The following CASP6 variants were observed in gnomAD, a reference collection of about 807,000 sequenced individuals.
CASP6 encodes caspase-6.
Under a neutral mutation model 31.8 loss-of-function variants are expected in CASP6, and 20 were observed. That is an observed-to-expected ratio of 0.63 (90% CI 0.44 to 0.91). The LOEUF is 0.91. Among genes scored for constraint, CASP6 ranks in the 40% least tolerant of loss-of-function variants. CASP6 has a pLI of 0.00. For synonymous variants in CASP6, 130 were observed against 127.8 expected (o/e 1.02, Z -0.12); for missense variants, 328 against 361.1 (o/e 0.91, Z 0.74).
the CASP6 span, chr4:109,682,711 A>G: frequency 3.1e-6 from 5 of 1,613,842 alleles, 1 homozygote; most frequent in African/African-American, 6.7e-5. Context: ...AAAATTGACC[A>G]CCTGAAGGAA....
At chr4:109,694,801 A>G in intron 4 of CASP6, 101 bp from the exon 5 acceptor site, 1 of 1,132,638 alleles carries the variant, frequency 8.8e-7, no homozygotes. Context: ...TTACATCCAC[A>G]TGATTGGGGA....
the CASP6 span, among the ~76,000 whole-genome samples, chr4:109,679,164 C>T: frequency 8.0e-5 from 12 of 149,262 alleles, no homozygotes; most frequent in Non-Finnish European, 1.2e-4. Flanking sequence ...ACTTCCCAGA[C>T]GGGGCAGCTG....
chr4:109,684,172 T>C (rs879292067), downstream of CASP6, among the ~76,000 whole-genome samples: 18 of 151,834 alleles, frequency 1.2e-4, no homozygotes, highest in East Asian at 1.9e-4. Flanking sequence ...ACGCCATTCT[T>C]CTGCCTCAGC....
In CASP6 at chr4:109,697,678, G is replaced by A. The variant is rs368502003; in HGVS notation, c.174C>T (p.His58=). The change falls in exon 3 of 7, where the codon CAC becomes CAT. Residue 58 remains histidine (H), a synonymous_variant. Transcript: ENST00000265164. ...TGCCCCGCCTTTCTGGCAGTGTTAA[G>A]TGCCAAAAGAACCTCTCATGATTGA... ...LIFNHERFFW[H]LTLPERRGTC... The A allele has an allele frequency of 1.1e-5, 17 of 1,613,860 alleles. No individual in the cohort carries two copies. The Admixed American group carries it at 2.0e-4, about 19-fold the overall frequency.
chr4:109,700,081 G>A (rs1425065944), intron 1 of CASP6, among the ~76,000 whole-genome samples: 1 of 152,282 alleles, frequency 6.6e-6, no homozygotes. Context: ...AGCCGAAGGC[G>A]GCTCACAACC....
At chr4:109,701,447 G>A (rs1191672280) in intron 1 of CASP6, among the ~76,000 whole-genome samples, 1 of 128,850 alleles carries the variant, frequency 7.8e-6, no homozygotes. Flanking sequence ...TTTTTTTTTT[G>A]AGACAGAGCC....
the CASP6 span, among the ~76,000 whole-genome samples, chr4:109,672,975 G>A: frequency 6.6e-6 from 1 of 152,076 alleles, no homozygotes; most frequent in Non-Finnish European, 1.5e-5. Flanking sequence ...AATTTTAATT[G>A]TATATTTGAA....
rs374800063 is a variant in CASP6 at position 109,698,312 on chromosome 4, G to A, written c.71C>T (p.Ala24Val). The change falls in exon 2 of 7, where the codon GCC becomes GTC. Residue 24 changes from alanine (A) to valine (V), a missense_variant. Transcript: ENST00000265164. ...GGEENMTETD[A>V]FYKREMFDPA... ...AGCACAGCTTTACCTTTTATAGAAG[G>A]CATCTGTTTCTGTCATGTTTTCTTC... The A allele has an allele frequency of 5.0e-6, 8 of 1,610,734 alleles. No homozygotes were observed. The highest frequency in any genetic ancestry group is 1.6e-4 in the Middle Eastern group (1 of 6,082).
chr4:109,678,984 G>A, the CASP6 span, among the ~76,000 whole-genome samples: 1 of 149,516 alleles, frequency 6.7e-6, no homozygotes, highest in African/African-American at 2.5e-5. Flanking sequence ...GGGGCAGCCA[G>A]GCAGAGACAG....
intron 4 of CASP6, among the ~76,000 whole-genome samples, chr4:109,695,977 T>G (rs1730226930): frequency 6.6e-6 from 1 of 152,160 alleles, no homozygotes; most frequent in Non-Finnish European, 1.5e-5. Flanking sequence ...TTGTTATAAT[T>G]AGAATACCTA....
At chr4:109,693,842 A>C (rs1730154219) in intron 5 of CASP6, among the ~76,000 whole-genome samples, 1 of 151,664 alleles carries the variant, frequency 6.6e-6, no homozygotes, top group Non-Finnish European at 1.5e-5. Flanking sequence ...AGGTTCAAGC[A>C]ATTCTCATGC....
At chr4:109,702,691 A>G (rs1579115091) in intron 1 of CASP6, 2 of 152,310 alleles carry the variant, frequency 1.3e-5, no homozygotes, top group Middle Eastern at 6.8e-3. Context: ...TACCAGTAAT[A>G]AGTGACAGAA....
chr4:109,707,543 T>C (rs928081352), upstream of CASP6, among the ~76,000 whole-genome samples: 2 of 152,066 alleles, frequency 1.3e-5, no homozygotes, highest in African/African-American at 4.8e-5. Context: ...TGCACTACCA[T>C]GCCTGGCTAA....
chr4:109,688,419 G>A (rs1022621335), downstream of CASP6: 2 of 152,142 alleles, frequency 1.3e-5, no homozygotes, highest in Non-Finnish European at 2.9e-5. Flanking sequence ...AACCTATAGT[G>A]GCTAAGAATT....
At chr4:109,686,244 T>G (rs1161469603), downstream of CASP6, among the ~76,000 whole-genome samples, 1 of 152,118 alleles carries the variant, frequency 6.6e-6, no homozygotes, top group Non-Finnish European at 1.5e-5. Flanking sequence ...TTCAAGTGAT[T>G]CTTGTGCCTC....
At chr4:109,703,496 C>T, upstream of CASP6, 3 of 1,469,786 alleles carry the variant, frequency 2.0e-6, no homozygotes, top group Non-Finnish European at 1.8e-6. Flanking sequence ...GGCCCCGCCC[C>T]CTGCCCCCGA....
the CASP6 span, chr4:109,682,530 C>A: frequency 4.8e-6 from 7 of 1,471,212 alleles, no homozygotes; most frequent in Admixed American, 4.1e-5. Context: ...GATTTACACA[C>A]CCTGCGGGAA....
chr4:109,695,990 C>T (rs1174856236), intron 4 of CASP6, among the ~76,000 whole-genome samples: 1 of 152,100 alleles, frequency 6.6e-6, no homozygotes, highest in Non-Finnish European at 1.5e-5. Context: ...AATACCTACC[C>T]CCTATTGACG....
chr4:109,692,598 A>G (rs1730092636), intron 5 of CASP6: 1 of 152,124 alleles, frequency 6.6e-6, no homozygotes, highest in African/African-American at 2.4e-5. Flanking sequence ...CATCCTCCTC[A>G]GTATCTTCCC....
Sources: allele counts gnomAD v4.1 joint callset (sites outside exome capture counted in the v4.1 genomes callset), GRCh38; gene constraint gnomAD v4.1.1; transcripts MANE v1.5; gene names NCBI Gene and HGNC (gene_info 2026-07-23, HGNC 2026-07-21).